Variants in PAPPA2 observed in about 807,000 individuals in gnomAD.
PAPPA2 encodes pappalysin-2.
Under a neutral mutation model 176.4 loss-of-function variants are expected in PAPPA2, and 86 were observed. That is an observed-to-expected ratio of 0.49 (90% confidence interval 0.41 to 0.58). PAPPA2 has a LOEUF of 0.58. Among genes scored for constraint, PAPPA2 ranks in the 20% least tolerant of loss-of-function variants. The probability of loss-of-function intolerance (pLI) is 0.00; values close to 1 mark genes in which losing one functional copy is unlikely to be tolerated. For missense variants in PAPPA2, 2,073 were observed against 2,256.9 expected, an observed-to-expected ratio of 0.92 and a Z score of 1.65; for synonymous variants, 809 against 852.2, an observed-to-expected ratio of 0.95 and a Z score of 0.88.
In PAPPA2 at chr1:176,594,972, G is replaced by A; in HGVS notation, c.1368G>A (p.Leu456=). ...SGEEEATDLV[L]TASFEPVNTE... ...AGGAGGAAGCGACTGACTTGGTCCT[G>A]ACAGCGAGCTTTGAGCCTGTGAACA... Residue 456 remains leucine, a synonymous_variant, in exon 3 of 23, where the codon CTG becomes CTA. Coordinates refer to ENST00000367662, the MANE Select transcript of PAPPA2 (RefSeq NM_020318.3). 6.2e-7 allele frequency: 1 copy of A among 1,614,214 alleles called. No individual in the cohort carries two copies. The highest frequency in any genetic ancestry group is 8.5e-7 in the Non-Finnish European group (1 of 1,180,054).
chr1:176,673,344 T>C (rs1376296866), intron 4 of PAPPA2, among the ~76,000 whole-genome samples: 1 of 152,044 alleles, frequency 6.6e-6, no homozygotes, highest in African/African-American at 2.4e-5. Context: ...TAATAGTGAG[T>C]ATGGGTGTTT....
chr1:176,667,160 C>T (rs962612210), intron 3 of PAPPA2, among the ~76,000 whole-genome samples: 2 of 151,712 alleles, frequency 1.3e-5, no homozygotes, highest in East Asian at 1.9e-4. Context: ...GCAGGAGAAT[C>T]GCTTGAACCA....
chr1:176,608,505 C>G (rs1654738730), intron 3 of PAPPA2, among the ~76,000 whole-genome samples: 1 of 152,116 alleles, frequency 6.6e-6, no homozygotes, highest in African/African-American at 2.4e-5. Context: ...AGTTACAATT[C>G]TCAGGGAAAA....
At chr1:176,707,178 G>A (rs992000339) in intron 10 of PAPPA2, among the ~76,000 whole-genome samples, 3 of 152,162 alleles carry the variant, frequency 2.0e-5, no homozygotes, top group Admixed American at 1.3e-4. Flanking sequence ...ACACATTGAA[G>A]TTTTTAAAAT....
intron 3 of PAPPA2, among the ~76,000 whole-genome samples, chr1:176,665,541 G>C (rs1041366922): frequency 4.6e-5 from 7 of 152,100 alleles, no homozygotes; most frequent in Non-Finnish European, 7.4e-5. Flanking sequence ...ACTTTGTTTT[G>C]TTATTAGGAC....
intron 2 of PAPPA2, among the ~76,000 whole-genome samples, chr1:176,588,143 A>G (rs931153516): frequency 1.3e-5 from 2 of 152,180 alleles, no homozygotes; most frequent in Non-Finnish European, 2.9e-5. Context: ...TGTTGGCTGT[A>G]TTCCTAAGTA....
chr1:176,773,677 C>T (rs1169167983), intron 17 of PAPPA2, among the ~76,000 whole-genome samples: 1 of 152,070 alleles, frequency 6.6e-6, no homozygotes, highest in African/African-American at 2.4e-5. Context: ...CAGGTAATGT[C>T]GTGAAAGCAT....
At position 176,702,479 on chromosome 1, in the gene PAPPA2, T is replaced by C. The variant is rs1014312116; in HGVS notation, c.3237-128T>C. 1.3e-5 allele frequency: 18 copies of C among 1,336,102 alleles called. No individual in the cohort carries two copies. In the East Asian group the frequency reaches 1.5e-4, roughly 11 times the overall value. 82.8% of individuals were successfully genotyped at this position (1,336,102 alleles called of 1,614,324 possible). A position where few individuals can be genotyped will look rare whatever the true frequency, so the allele number is the denominator to read the frequency against. ...GTGCCCTGATCTTTGTTTTAGACAATGCAGCGTATGTTTAACCTTTATGTT... is the reference window on the plus strand; with the variant it reads ...GTGCCCTGATCTTTGTTTTAGACAACGCAGCGTATGTTTAACCTTTATGTT... On this transcript the variant is annotated intron_variant, in intron 8 of 22. Transcript: ENST00000367662.
chr1:176,472,906 G>C (rs1558389691), intron 1 of PAPPA2, among the ~76,000 whole-genome samples: 1 of 152,042 alleles, frequency 6.6e-6, no homozygotes, highest in Non-Finnish European at 1.5e-5. Flanking sequence ...TAGCAAAATT[G>C]AGCACAAGGC....
chr1:176,714,715 T>C (rs953602726), intron 12 of PAPPA2, among the ~76,000 whole-genome samples: 17 of 152,226 alleles, frequency 1.1e-4, no homozygotes, highest in Non-Finnish European at 2.2e-4. Flanking sequence ...TTCTTGATTA[T>C]AATAAGTCTT....
In PAPPA2 at chr1:176,474,041, C is replaced by A. The variant is rs1320694874; in HGVS notation, c.-917+10623C>A. Among the ~76,000 whole-genome samples the A allele has an allele frequency of 3.3e-5, 5 of 152,140 alleles. No individual in the cohort carries two copies. In the East Asian group the frequency reaches 7.7e-4, roughly 23 times the overall value. On this transcript the variant is annotated intron_variant, in intron 1 of 22. Coordinates refer to ENST00000367662, the MANE Select transcript of PAPPA2 (RefSeq NM_020318.3). ...TCTGAAAACAGTAAAGTATGTATTACTTCTGTTTACCTCATATTTGATTTC... is the reference window on the plus strand; with the variant it reads ...TCTGAAAACAGTAAAGTATGTATTAATTCTGTTTACCTCATATTTGATTTC...
chr1:176,828,887 C>T (rs1666964178), intron 21 of PAPPA2, among the ~76,000 whole-genome samples: 1 of 151,950 alleles, frequency 6.6e-6, no homozygotes. Flanking sequence ...GCTGTATTCC[C>T]AACTACTTGG....
At chr1:176,696,366 G>T (rs1660383144) in intron 7 of PAPPA2, among the ~76,000 whole-genome samples, 2 of 150,832 alleles carry the variant, frequency 1.3e-5, no homozygotes, top group South Asian at 2.1e-4. Flanking sequence ...TCTGGGTGGG[G>T]GTGGGGAGAC....
At position 176,726,945 on chromosome 1, in the gene PAPPA2, G is replaced by T. The variant is rs139533574; in HGVS notation, c.3799-12681G>T. ...ATATATGACCACAAAGGACAAGGCG[G>T]TTCAAAGTAGAGTAGTACTTCTGTA... On this transcript the variant is annotated intron_variant, in intron 12 of 22. Transcript: ENST00000367662. Among the ~76,000 whole-genome samples, 330 of 152,300 alleles carry T rather than the reference G, an allele frequency of 2.2e-3. 2 individuals carry two copies. Among genetic ancestry groups the T allele is most frequent in the African/African-American group, 7.5e-3 (312 of 41,554 alleles).
intron 20 of PAPPA2, among the ~76,000 whole-genome samples, chr1:176,795,347 T>A (rs931586439): frequency 6.6e-6 from 1 of 152,062 alleles, no homozygotes; most frequent in Non-Finnish European, 1.5e-5. Context: ...CAGGAGGAGG[T>A]GGCTGCAGGA....
chr1:176,826,665 G>A (rs527430553), intron 21 of PAPPA2, among the ~76,000 whole-genome samples: 1 of 152,306 alleles, frequency 6.6e-6, no homozygotes, highest in East Asian at 1.9e-4. Flanking sequence ...AAGACTATTG[G>A]CAAGAAAACA....
At chr1:176,666,626 A>AGG in intron 3 of PAPPA2, among the ~76,000 whole-genome samples, 1 of 150,366 alleles carries the variant, frequency 6.7e-6, no homozygotes, top group East Asian at 2.0e-4. Context: ...AGAGAGAGAG[A>AGG]GAAAGAGAGA....
At chr1:176,666,817 A>G (rs1266166216) in intron 3 of PAPPA2, among the ~76,000 whole-genome samples, 2 of 152,198 alleles carry the variant, frequency 1.3e-5, no homozygotes, top group Non-Finnish European at 2.9e-5. Context: ...AATTAAAAGT[A>G]CAGACAAGTG....
chr1:176,778,178 A>G (rs1664547857), intron 17 of PAPPA2, among the ~76,000 whole-genome samples: 1 of 151,908 alleles, frequency 6.6e-6, no homozygotes, highest in Admixed American at 6.6e-5. Flanking sequence ...CAAAATAGAA[A>G]CTTTATTAAA....
Sources: gnomAD v4.1 joint callset for allele counts (sites outside exome capture counted in the v4.1 genomes callset) on GRCh38, gnomAD v4.1.1 for gene constraint, MANE v1.5 for transcripts, NCBI Gene and HGNC (gene_info 2026-07-23, HGNC 2026-07-21) for gene names.